Variants in HIP1 observed in about 807,000 individuals in gnomAD.
HIP1 encodes the protein huntingtin interacting protein 1.
Under a neutral mutation model 147.6 loss-of-function variants are expected in HIP1, and 65 were observed. That is an observed-to-expected ratio of 0.44 (90% CI 0.36 to 0.54). HIP1 has a LOEUF of 0.54. Among genes scored for constraint, HIP1 ranks in the 20% least tolerant of loss-of-function variants. HIP1 has a pLI of 0.00. For missense variants in HIP1, 1,061 were observed against 1,299.6 expected (o/e 0.82, Z 2.82); for synonymous variants, 479 against 504.0 (o/e 0.95, Z 0.67).
intron 1 of HIP1, among the ~76,000 whole-genome samples, chr7:75,709,824 T>C (rs1801115115): frequency 6.6e-6 from 1 of 152,204 alleles, no homozygotes. Context: ...GGGTTGTTAA[T>C]ATATAACTTC....
intron 1 of HIP1, among the ~76,000 whole-genome samples, chr7:75,648,410 A>G (rs1264621773): frequency 6.6e-6 from 1 of 152,062 alleles, no homozygotes; most frequent in Non-Finnish European, 1.5e-5. Flanking sequence ...TCAAGCCTCA[A>G]AGCCCCTGTA....
intron 1 of HIP1, among the ~76,000 whole-genome samples, chr7:75,658,269 G>T (rs1563274369): frequency 6.6e-6 from 1 of 152,186 alleles, no homozygotes; most frequent in East Asian, 1.9e-4. Context: ...TGTATTTTTA[G>T]TAGAGATGGG....
intron 12 of HIP1, among the ~76,000 whole-genome samples, chr7:75,561,846 A>T (rs1329275047): frequency 6.6e-6 from 1 of 152,208 alleles, no homozygotes; most frequent in East Asian, 1.9e-4. Flanking sequence ...GGATCTTGCT[A>T]TGTTGCCCAA....
In HIP1 at chr7:75,538,090, G is replaced by T; in HGVS notation, c.*82C>A. The T allele has an allele frequency of 8.5e-7, 1 of 1,171,596 alleles. No homozygotes were observed. Among genetic ancestry groups the T allele is most frequent in the South Asian group, 1.2e-5 (1 of 82,140 alleles). 72.6% of individuals were successfully genotyped at this position (1,171,596 alleles called of 1,614,324 possible). On this transcript the variant is annotated 3_prime_UTR_variant, in exon 31 of 31. Coordinates refer to ENST00000336926, the MANE Select transcript of HIP1 (RefSeq NM_005338.7). ...GTGTGGCTGCCCCTGGGACTCCAAG[G>T]ATTTGGCCTGTGGCTGGGGAAATAA...
chr7:75,736,629 G>C (rs1225431005), intron 1 of HIP1, among the ~76,000 whole-genome samples: 1 of 152,112 alleles, frequency 6.6e-6, no homozygotes, highest in East Asian at 1.9e-4. Context: ...GCAGCTAGCA[G>C]AGGCACTAAC....
intron 1 of HIP1, among the ~76,000 whole-genome samples, chr7:75,664,554 G>T (rs146934872): frequency 6.7e-6 from 1 of 149,222 alleles, no homozygotes; most frequent in Middle Eastern, 3.5e-3. Flanking sequence ...ACATATATAT[G>T]TATGTGTATG....
chr7:75,562,810 A>C (rs1371162844), intron 11 of HIP1, 125 bp downstream of exon 11: 2 of 909,788 alleles, frequency 2.2e-6, no homozygotes, highest in Admixed American at 5.0e-5. Flanking sequence ...GGTTGGTGCT[A>C]GGTGAATGAA....
intron 1 of HIP1, among the ~76,000 whole-genome samples, chr7:75,651,268 G>A (rs1480086997): frequency 6.6e-6 from 1 of 151,656 alleles, no homozygotes; most frequent in African/African-American, 2.4e-5. Context: ...GACCAGCCTG[G>A]TCAATATGGT....
At chr7:75,655,363 G>C (rs782690776) in intron 1 of HIP1, among the ~76,000 whole-genome samples, 1 of 152,220 alleles carries the variant, frequency 6.6e-6, no homozygotes, top group East Asian at 1.9e-4. Context: ...TGGATCACTT[G>C]AGGTCAGGAG....
chr7:75,656,444 A>G (rs902287171), intron 1 of HIP1, among the ~76,000 whole-genome samples: 2 of 151,726 alleles, frequency 1.3e-5, no homozygotes, highest in African/African-American at 4.8e-5. Context: ...AAAAAAAAAA[A>G]AAAGAAAATA....
At chr7:75,553,008 G>A (rs906998406) in intron 22 of HIP1, among the ~76,000 whole-genome samples, 1 of 151,304 alleles carries the variant, frequency 6.6e-6, no homozygotes, top group African/African-American at 2.4e-5. Flanking sequence ...GCATGATCTC[G>A]GTGCACTGCA....
chr7:75,574,387 G>A (rs587680818), intron 7 of HIP1, among the ~76,000 whole-genome samples: 19 of 151,788 alleles, frequency 1.3e-4, no homozygotes, highest in East Asian at 7.8e-4. Context: ...TCAGGAGTTC[G>A]AGACCAGCCT....
chr7:75,578,559 T>G (rs1795924523), intron 7 of HIP1, among the ~76,000 whole-genome samples: 1 of 152,112 alleles, frequency 6.6e-6, no homozygotes, highest in Non-Finnish European at 1.5e-5. Context: ...GTGCCCGTAG[T>G]CCCAGCTACT....
At chr7:75,667,894 T>A (rs1799610715) in intron 1 of HIP1, among the ~76,000 whole-genome samples, 1 of 152,270 alleles carries the variant, frequency 6.6e-6, no homozygotes, top group Admixed American at 6.5e-5. Flanking sequence ...AATTCTAGAT[T>A]AATCAGTGAC....
intron 1 of HIP1, among the ~76,000 whole-genome samples, chr7:75,716,933 A>C (rs868961166): frequency 2.6e-5 from 4 of 151,864 alleles, no homozygotes; most frequent in African/African-American, 4.8e-5. Flanking sequence ...CTCCCACCTC[A>C]ACCTCCCAAG....
chr7:75,689,503 C>T (rs1290005192), intron 1 of HIP1, among the ~76,000 whole-genome samples: 1 of 151,806 alleles, frequency 6.6e-6, no homozygotes, highest in African/African-American at 2.4e-5. Context: ...GACTCCGCCT[C>T]AAATAAATAA....
intron 1 of HIP1, among the ~76,000 whole-genome samples, chr7:75,675,714 C>T (rs528872242): frequency 6.6e-6 from 1 of 152,148 alleles, no homozygotes; most frequent in South Asian, 2.1e-4. Context: ...AGGCTAGACT[C>T]ACACCTGTAA....
At chr7:75,586,609 C>T (rs1412741746) in intron 5 of HIP1, 144 bp downstream of exon 5, 9 of 639,318 alleles carry the variant, frequency 1.4e-5, no homozygotes, top group Non-Finnish European at 2.5e-5. Context: ...TCCTCTCTCA[C>T]AGCTTGGGTA....
At chr7:75,684,973 C>A (rs1699676464) in intron 1 of HIP1, among the ~76,000 whole-genome samples, 1 of 152,058 alleles carries the variant, frequency 6.6e-6, no homozygotes, top group Admixed American at 6.6e-5. Context: ...TACCTGTAGT[C>A]CCAGCTACTC....
Sources: allele counts gnomAD v4.1 joint callset (sites outside exome capture counted in the v4.1 genomes callset), GRCh38; gene constraint gnomAD v4.1.1; transcripts MANE v1.5; gene names NCBI Gene and HGNC (gene_info 2026-07-23, HGNC 2026-07-21).